TMEM14A: variants seen among roughly 807,000 people sequenced by gnomAD.
TMEM14A encodes the protein transmembrane protein 14A.
Under a neutral mutation model 11.6 loss-of-function variants are expected in TMEM14A, and 8 were observed. The ratio of observed to expected loss-of-function variants is 0.69; its 90% CI spans 0.40 to 1.24. The LOEUF (loss-of-function observed/expected upper bound fraction) is 1.24. TMEM14A is among the 50% of genes most tolerant of loss of function. The pLI is 0.01. For synonymous variants in TMEM14A, 34 were observed against 45.5 expected, an observed-to-expected ratio of 0.75 and a Z score of 1.02; for missense variants, 108 against 121.9, an observed-to-expected ratio of 0.89 and a Z score of 0.54.
chr6:52,679,040 G>A (rs1470910127), intron 2 of TMEM14A, among the ~76,000 whole-genome samples: 1 of 152,180 alleles, frequency 6.6e-6, no homozygotes, highest in African/African-American at 2.4e-5. Context: ...ATCTTGGGTC[G>A]GTGAAAGATG....
At chr6:52,681,701 G>A in intron 2 of TMEM14A, 112 bp from the exon 3 acceptor site, 1 of 862,166 alleles carries the variant, frequency 1.2e-6, no homozygotes, top group South Asian at 1.6e-5. Context: ...TCCAGTTACT[G>A]TGCCCAAGTA....
At chr6:52,674,529 G>T (rs1254334253) in intron 1 of TMEM14A, among the ~76,000 whole-genome samples, 1 of 152,138 alleles carries the variant, frequency 6.6e-6, no homozygotes, top group Non-Finnish European at 1.5e-5. Flanking sequence ...ATAGGGTGTG[G>T]TCATGATTAC....
At chr6:52,684,648 T>C (rs1253047529) in intron 4 of TMEM14A, among the ~76,000 whole-genome samples, 3 of 152,242 alleles carry the variant, frequency 2.0e-5, no homozygotes, top group African/African-American at 7.2e-5. Context: ...TTCTCTTAAT[T>C]TGATCCAGTA....
chr6:52,682,371 A>C (rs1769406418), intron 3 of TMEM14A, among the ~76,000 whole-genome samples: 1 of 152,224 alleles, frequency 6.6e-6, no homozygotes, highest in African/African-American at 2.4e-5. Flanking sequence ...TGTTAAGTTT[A>C]ATGGGAGAAT....
At position 52,674,542 on chromosome 6, in the gene TMEM14A, G is replaced by C. The variant is rs557626731; in HGVS notation, c.-16-2545G>C. On this transcript the variant is annotated intron_variant, in intron 1 of 4. Coordinates refer to ENST00000211314, the MANE Select transcript of TMEM14A (RefSeq NM_014051.4). ...CCATAGGGTGTGGTCATGATTACATGAGTTGATACACATAAGGCACCTAGA... is the reference window on the plus strand; with the variant it reads ...CCATAGGGTGTGGTCATGATTACATCAGTTGATACACATAAGGCACCTAGA... Among the ~76,000 whole-genome samples the C allele has an allele frequency of 2.0e-5, 3 of 152,250 alleles. No homozygotes were observed. In the South Asian group the frequency reaches 6.2e-4, roughly 32 times the overall value.
intron 1 of TMEM14A, among the ~76,000 whole-genome samples, chr6:52,673,159 T>G (rs945872209): frequency 1.3e-5 from 2 of 152,206 alleles, no homozygotes; most frequent in African/African-American, 4.8e-5. Flanking sequence ...TAAATGCACC[T>G]GACAGCAATA....
chr6:52,680,711 A>ATATGTATATATATATATATACATC (rs1769374447), intron 2 of TMEM14A, among the ~76,000 whole-genome samples: 1 of 130,578 alleles, frequency 7.7e-6, no homozygotes, highest in African/African-American at 2.9e-5. Flanking sequence ...ATATACACAT[A>ATATGTATATATATATATATACATC]TATATATGGC....
intron 1 of TMEM14A, 147 bp from the exon 2 acceptor site, chr6:52,676,940 C>CACCT: frequency 1.4e-6 from 1 of 710,846 alleles, no homozygotes; most frequent in Non-Finnish European, 2.4e-6. Context: ...TCCCACCAGG[C>CACCT]CCCACCTCCA....
At chr6:52,674,729 G>A (rs573798983) in intron 1 of TMEM14A, among the ~76,000 whole-genome samples, 2 of 152,162 alleles carry the variant, frequency 1.3e-5, no homozygotes, top group Non-Finnish European at 2.9e-5. Context: ...CCACAGATGA[G>A]CTCTCCTGTT....
chr6:52,671,701 T>G (rs932913343), intron 1 of TMEM14A, among the ~76,000 whole-genome samples: 1 of 152,206 alleles, frequency 6.6e-6, no homozygotes. Flanking sequence ...ATTCTCCGAA[T>G]TTTGGAGGAT....
chr6:52,680,691 G>GTGTGTGTATATATATATATATATATA (rs758417981), intron 2 of TMEM14A, among the ~76,000 whole-genome samples: 2 of 35,318 alleles, frequency 5.7e-5, no homozygotes, highest in African/African-American at 1.5e-4. Flanking sequence ...ATACATATAT[G>GTGTGTGTATATATATATATATATATA]TATATATATA....
chr6:52,676,827 A>G (rs1769265197), intron 1 of TMEM14A, among the ~76,000 whole-genome samples: 1 of 152,134 alleles, frequency 6.6e-6, no homozygotes, highest in Non-Finnish European at 1.5e-5. Flanking sequence ...GGGAAGTGCT[A>G]CACGCTTTCA....
intron 2 of TMEM14A, among the ~76,000 whole-genome samples, chr6:52,677,987 A>G (rs1163088225): frequency 1.3e-5 from 2 of 152,134 alleles, no homozygotes; most frequent in Non-Finnish European, 1.5e-5. Flanking sequence ...ACCATCATCT[A>G]CGATTCCTTA....
Position 52,677,125 on chromosome 6 carries a change from A to G in TMEM14A, c.23A>G (p.Tyr8Cys). Residue 8 changes from tyrosine (Y) to cysteine (C), a missense_variant, in exon 2 of 5, where the codon TAT becomes TGT. By Grantham distance (194) the Tyr-to-Cys change is radical. Coordinates refer to ENST00000211314, the MANE Select transcript of TMEM14A (RefSeq NM_014051.4). Reference sequence around the variant, plus strand: ...CCAATGGACCTGATCGGTTTTGGTTATGCAGCCCTCGTGACATTTGGAAGC... The same window carrying G: ...CCAATGGACCTGATCGGTTTTGGTTGTGCAGCCCTCGTGACATTTGGAAGC... Reference protein sequence around the residue: MDLIGFGYAALVTFGSIF... With the variant: MDLIGFGCAALVTFGSIF... The G allele has an allele frequency of 6.2e-7, 1 of 1,614,166 alleles. No homozygotes were observed. Among genetic ancestry groups the G allele is most frequent in the South Asian group, 1.1e-5 (1 of 91,076 alleles).
intron 2 of TMEM14A, 62 bp from the exon 3 acceptor site, chr6:52,681,751 T>A: frequency 2.9e-6 from 4 of 1,400,398 alleles, no homozygotes; most frequent in Non-Finnish European, 4.0e-6. Context: ...CTAGAAGTAA[T>A]GGAATGAATT....
At position 52,675,381 on chromosome 6, in the gene TMEM14A, G is replaced by A. The variant is rs1769237735; in HGVS notation, c.-16-1706G>A. On this transcript the variant is annotated intron_variant, in intron 1 of 4. Transcript: ENST00000211314. ...AAGCTCAGAAATAAAGGCACCACTAGGGGTCTTAGAACTTAAAAAGCTGTA... is the reference window on the plus strand; with the variant it reads ...AAGCTCAGAAATAAAGGCACCACTAAGGGTCTTAGAACTTAAAAAGCTGTA... Among the ~76,000 whole-genome samples, 2 of 152,338 alleles carry A rather than the reference G, an allele frequency of 1.3e-5. 1 individual carries two copies. The highest frequency in any genetic ancestry group is 4.1e-4 in the South Asian group (2 of 4,824).
intron 2 of TMEM14A, among the ~76,000 whole-genome samples, chr6:52,677,570 A>G (rs1370561231): frequency 1.3e-5 from 2 of 151,970 alleles, no homozygotes; most frequent in African/African-American, 4.8e-5. Flanking sequence ...ATATTCAGTT[A>G]TCATATCCAA....
At position 52,686,106 on chromosome 6, in the gene TMEM14A, TA is replaced by T. The variant is rs1373856756; in HGVS notation, c.*58del. ...TCATCCTGCTGTAATGGGCAGAGCA[TA>T]TTTTTTTTGTATTTAAAAGATAAAC... On this transcript the variant is annotated 3_prime_UTR_variant, in exon 5 of 5. Coordinates refer to ENST00000211314, the MANE Select transcript of TMEM14A (RefSeq NM_014051.4). The T allele has an allele frequency of 4.0e-6, 6 of 1,510,064 alleles. No individual in the cohort carries two copies. Among genetic ancestry groups the T allele is most frequent in the African/African-American group, 2.8e-5 (2 of 70,822 alleles). The allele number at this position is 1,510,064 out of a possible 1,614,324, so 93.5% of individuals were successfully genotyped here. A position where few individuals can be genotyped will look rare whatever the true frequency, so the allele number is the denominator to read the frequency against.
At chr6:52,679,093 A>G (rs1360515685) in intron 2 of TMEM14A, among the ~76,000 whole-genome samples, 1 of 152,240 alleles carries the variant, frequency 6.6e-6, no homozygotes, top group African/African-American at 2.4e-5. Flanking sequence ...AGATGTATCC[A>G]AATCCTAAAC....
Sources: allele counts gnomAD v4.1 joint callset (sites outside exome capture counted in the v4.1 genomes callset), GRCh38; gene constraint gnomAD v4.1.1; transcripts MANE v1.5; gene names NCBI Gene and HGNC (gene_info 2026-07-23, HGNC 2026-07-21).